The following COX7B2 variants were observed in gnomAD, a reference collection of about 807,000 sequenced individuals.
The protein encoded by COX7B2 is cytochrome c oxidase subunit 7B2.
For synonymous variants in COX7B2, 37 were observed against 32.1 expected, an observed-to-expected ratio of 1.15 and a Z score of -0.51; for missense variants, 109 against 95.9, an observed-to-expected ratio of 1.14 and a Z score of -0.57.
At chr4:46,746,290 T>C (rs1715018962) in intron 2 of COX7B2, among the ~76,000 whole-genome samples, 1 of 152,202 alleles carries the variant, frequency 6.6e-6, no homozygotes, top group Non-Finnish European at 1.5e-5. Flanking sequence ...CAATACTCCT[T>C]TCCTGGCTTT....
chr4:46,794,837 C>G (rs1036222636), intron 2 of COX7B2, among the ~76,000 whole-genome samples: 1 of 152,092 alleles, frequency 6.6e-6, no homozygotes. Flanking sequence ...TAGTAGGAGC[C>G]TACTAAATTC....
intron 1 of COX7B2, among the ~76,000 whole-genome samples, chr4:46,905,846 G>A (rs1371490437): frequency 3.4e-5 from 2 of 59,078 alleles, no homozygotes; most frequent in Non-Finnish European, 6.7e-5. Context: ...TTTTTGAGAC[G>A]GAGTCTCGCT....
chr4:46,763,195 T>C (rs1387796516), intron 2 of COX7B2, among the ~76,000 whole-genome samples: 2 of 137,492 alleles, frequency 1.5e-5, no homozygotes, highest in African/African-American at 2.7e-5. Context: ...AAATATATAA[T>C]ATATGATATT....
intron 2 of COX7B2, among the ~76,000 whole-genome samples, chr4:46,809,178 T>C (rs895614269): frequency 3.3e-5 from 5 of 151,968 alleles, no homozygotes; most frequent in Admixed American, 3.3e-4. Context: ...CTCATTCATC[T>C]TTGGTTTCAT....
intron 2 of COX7B2, among the ~76,000 whole-genome samples, chr4:46,823,736 G>A (rs1332663224): frequency 6.7e-6 from 1 of 150,370 alleles, no homozygotes; most frequent in South Asian, 2.1e-4. Flanking sequence ...GCCAAAATAA[G>A]GAAAAAATAT....
rs1311396122 is a variant in COX7B2, at chr4:46,833,601, AGGCAATAAGAAGTATTGG to A, written c.-50+11341_-50+11358del. ...CTATAGGAGTGTTTTAAGAGAGCAGAGGCAATAAGAAGTATTGGGGAAAGGAAGATGAATAGAGAGAAA... is the reference window on the plus strand; with the variant it reads ...CTATAGGAGTGTTTTAAGAGAGCAGAGGAAAGGAAGATGAATAGAGAGAAA... On this transcript the variant is annotated intron_variant, in intron 2 of 2. Transcript: ENST00000355591. 2.6e-5 allele frequency among the ~76,000 whole-genome samples: 4 copies of A among 152,340 alleles called. No individual in the cohort carries two copies. The East Asian group carries it at 7.7e-4, about 29-fold the overall frequency.
At chr4:46,894,434 T>C (rs968911100) in intron 1 of COX7B2, among the ~76,000 whole-genome samples, 2 of 152,054 alleles carry the variant, frequency 1.3e-5, no homozygotes, top group Non-Finnish European at 2.9e-5. Context: ...ACAGGTTACC[T>C]ATATGCAGAA....
At chr4:46,813,609 G>A (rs910366430) in intron 2 of COX7B2, among the ~76,000 whole-genome samples, 4 of 152,068 alleles carry the variant, frequency 2.6e-5, no homozygotes, top group African/African-American at 9.7e-5. Flanking sequence ...AATTCATGCT[G>A]GGCTTAAAAC....
chr4:46,804,592 GAT>G (rs1380087959), intron 2 of COX7B2, among the ~76,000 whole-genome samples: 1 of 152,130 alleles, frequency 6.6e-6, no homozygotes, highest in Non-Finnish European at 1.5e-5. Context: ...AGAGTAGCTA[GAT>G]ACAGAGTGTC....
intron 2 of COX7B2, among the ~76,000 whole-genome samples, chr4:46,786,089 A>AT (rs1489510365): frequency 6.6e-6 from 1 of 151,556 alleles, no homozygotes; most frequent in Non-Finnish European, 1.5e-5. Flanking sequence ...ACATTCTTTG[A>AT]TTAAAAAAAA....
intron 2 of COX7B2, among the ~76,000 whole-genome samples, chr4:46,813,926 GA>G (rs545236456): frequency 1.7e-4 from 26 of 152,070 alleles, no homozygotes; most frequent in Non-Finnish European, 2.9e-4. Context: ...AGAAATATAT[GA>G]AAAAAAGTTC....
intron 1 of COX7B2, among the ~76,000 whole-genome samples, chr4:46,904,757 T>C (rs1577720313): frequency 6.6e-6 from 1 of 152,152 alleles, no homozygotes; most frequent in Admixed American, 6.5e-5. Context: ...ATTAATTCCA[T>C]GCAACGAGGA....
chr4:46,776,923 T>C (rs986336443), intron 2 of COX7B2, among the ~76,000 whole-genome samples: 1 of 152,204 alleles, frequency 6.6e-6, no homozygotes, highest in Non-Finnish European at 1.5e-5. Flanking sequence ...TTTTTACCTA[T>C]GTGGCAAAAC....
chr4:46,893,823 T>C (rs1719587044), intron 1 of COX7B2, among the ~76,000 whole-genome samples: 1 of 152,098 alleles, frequency 6.6e-6, no homozygotes, highest in South Asian at 2.1e-4. Flanking sequence ...TCAAAGAGTA[T>C]ATAGTTTTAA....
intron 2 of COX7B2, among the ~76,000 whole-genome samples, chr4:46,771,846 G>A (rs771387017): frequency 3.7e-4 from 57 of 152,072 alleles, no homozygotes; most frequent in African/African-American, 1.1e-3. Context: ...ACATACTTAC[G>A]GGTTGAACAT....
intron 2 of COX7B2, among the ~76,000 whole-genome samples, chr4:46,800,669 A>G (rs1033964089): frequency 1.3e-5 from 2 of 152,192 alleles, no homozygotes; most frequent in African/African-American, 4.8e-5. Flanking sequence ...AAACCTGAGA[A>G]ATATCATTCT....
rs140376559 is a variant in COX7B2 at position 46,781,926 on chromosome 4, G to C, written c.-49-46685C>G. The stretch of plus-strand genomic sequence containing the variant: ...GGGCTCAGGACCTGCAGCCCTCCAT[G>C]CTCAAGCACCCCCCATCCCGCCCGG... On this transcript the variant is annotated intron_variant, in intron 2 of 2. Coordinates refer to ENST00000355591, the MANE Select transcript of COX7B2 (RefSeq NM_130902.3). 5.3e-4 allele frequency among the ~76,000 whole-genome samples: 80 copies of C among 152,302 alleles called. 2 individuals carry two copies. In the East Asian group the frequency reaches 0.014, roughly 27 times the overall value.
intron 2 of COX7B2, among the ~76,000 whole-genome samples, chr4:46,812,640 G>C (rs73245866): frequency 0.14 from 20,724 of 151,990 alleles, 2,077 homozygotes; most frequent in Admixed American, 0.3. Context: ...TTCCAGAAGA[G>C]GGGGGATGTC....
At chr4:46,856,240 AAAAAT>A (rs1425409652) in intron 1 of COX7B2, among the ~76,000 whole-genome samples, 2 of 152,120 alleles carry the variant, frequency 1.3e-5, no homozygotes, top group Admixed American at 6.6e-5. Context: ...CTCAGTCTCA[AAAAAT>A]AAAATAAAAT....
Sources: gnomAD v4.1 joint callset for allele counts (sites outside exome capture counted in the v4.1 genomes callset) on GRCh38, gnomAD v4.1.1 for gene constraint, MANE v1.5 for transcripts, NCBI Gene and HGNC (gene_info 2026-07-23, HGNC 2026-07-21) for gene names.